Variants in SLC6A16 observed in about 807,000 individuals in gnomAD.
The protein encoded by SLC6A16 is solute carrier family 6 member 16, also known as orphan sodium- and chloride-dependent neurotransmitter transporter NTT5.
In SLC6A16, 54 loss-of-function variants were observed where a neutral mutation model predicts 65.4. That is an observed-to-expected ratio of 0.83 (90% CI 0.66 to 1.04). SLC6A16 has a LOEUF of 1.04. Among genes scored for constraint, SLC6A16 ranks in the 50% least tolerant of loss-of-function variants. The pLI is 0.00. For missense variants in SLC6A16, 816 were observed against 914.0 expected, an observed-to-expected ratio of 0.89 and a Z score of 1.38; for synonymous variants, 330 against 346.5, an observed-to-expected ratio of 0.95 and a Z score of 0.53.
At chr19:49,314,889 C>G (rs2146150301) in intron 1 of SLC6A16, among the ~76,000 whole-genome samples, 1 of 152,250 alleles carries the variant, frequency 6.6e-6, no homozygotes, top group East Asian at 1.9e-4. Flanking sequence ...TGTTGTAAGT[C>G]TGAAATTATG....
intron 1 of SLC6A16, among the ~76,000 whole-genome samples, chr19:49,312,347 G>A (rs114231632): frequency 1.6e-3 from 243 of 152,254 alleles, no homozygotes; most frequent in African/African-American, 5.6e-3. Flanking sequence ...AGCCTCACCA[G>A]AGATGCCTTC....
chr19:49,293,787 G>A, intron 9 of SLC6A16, 40 bp downstream of exon 9: 1 of 1,566,308 alleles, frequency 6.4e-7, no homozygotes, highest in Non-Finnish European at 8.8e-7. Context: ...GGTGTCAGGG[G>A]TCAGGGTCAT....
At chr19:49,300,778 G>A (rs1388709426) in intron 7 of SLC6A16, among the ~76,000 whole-genome samples, 1 of 152,142 alleles carries the variant, frequency 6.6e-6, no homozygotes, top group East Asian at 1.9e-4. Flanking sequence ...TGGGCCGGGC[G>A]CGGTGGCTCA....
upstream of SLC6A16, among the ~76,000 whole-genome samples, chr19:49,326,635 GA>G (rs1344581465): frequency 6.6e-6 from 1 of 152,144 alleles, no homozygotes; most frequent in African/African-American, 2.4e-5. Context: ...GAACAAAACA[GA>G]CCCCATTCCT....
chr19:49,307,226 T>C (rs532753739), intron 7 of SLC6A16, among the ~76,000 whole-genome samples: 1 of 150,802 alleles, frequency 6.6e-6, no homozygotes, highest in African/African-American at 2.4e-5. Flanking sequence ...TAATAAAAGG[T>C]TTTTTTGAAA....
At chr19:49,340,219 G>A in the SLC6A16 span, 1 of 1,591,204 alleles carries the variant, frequency 6.3e-7, no homozygotes. Flanking sequence ...GCACCCCTTC[G>A]ACTTCTCTGA....
the SLC6A16 span, chr19:49,337,925 C>G: frequency 1.2e-6 from 2 of 1,614,060 alleles, no homozygotes. Context: ...GGCCTCTCAG[C>G]TGGAGCGAAG....
intron 7 of SLC6A16, among the ~76,000 whole-genome samples, chr19:49,297,241 C>T (rs1325141564): frequency 2.6e-5 from 4 of 152,046 alleles, no homozygotes; most frequent in African/African-American, 9.7e-5. Flanking sequence ...CAAAAAAAAC[C>T]CTGATTTTTA....
chr19:49,290,108 G>C lies in SLC6A16; in HGVS notation c.*15C>G. ...TGTTCTAAGGGATATGTTATGTGAA[G>C]CCAAATTAATGAAGTTAGGAAGTCA... On this transcript the variant is annotated 3_prime_UTR_variant, in exon 12 of 12. Coordinates refer to ENST00000335875, the MANE Select transcript of SLC6A16 (RefSeq NM_014037.3). 6.2e-7 allele frequency: 1 copy of C among 1,611,188 alleles called. No individual in the cohort carries two copies. Among genetic ancestry groups the C allele is most frequent in the Non-Finnish European group, 8.5e-7 (1 of 1,178,556 alleles).
At chr19:49,312,760 T>C (rs1277647762) in intron 1 of SLC6A16, among the ~76,000 whole-genome samples, 2 of 152,182 alleles carry the variant, frequency 1.3e-5, no homozygotes, top group African/African-American at 2.4e-5. Flanking sequence ...GGATAACTGC[T>C]TGTGAGACAC....
At chr19:49,325,878 T>C (rs924750418), upstream of SLC6A16, among the ~76,000 whole-genome samples, 1 of 152,160 alleles carries the variant, frequency 6.6e-6, no homozygotes, top group African/African-American at 2.4e-5. Flanking sequence ...AAAAGAAATT[T>C]TGGCGCTGGG....
At chr19:49,315,502 A>G (rs1406840684) in intron 1 of SLC6A16, among the ~76,000 whole-genome samples, 2 of 152,214 alleles carry the variant, frequency 1.3e-5, no homozygotes, top group African/African-American at 4.8e-5. Context: ...ACAAAAATCC[A>G]GCCTTTGGGG....
At chr19:49,300,901 A>C (rs1970277834) in intron 7 of SLC6A16, among the ~76,000 whole-genome samples, 1 of 151,914 alleles carries the variant, frequency 6.6e-6, no homozygotes, top group African/African-American at 2.4e-5. Flanking sequence ...AAAATACAAA[A>C]ATTAGCTGGG....
intron 7 of SLC6A16, among the ~76,000 whole-genome samples, chr19:49,306,297 C>CA (rs536974639): frequency 0.02 from 2,511 of 125,206 alleles, 60 homozygotes; most frequent in African/African-American, 0.061. Flanking sequence ...GAGTCTGTCT[C>CA]AAAAAAAAAA....
chr19:49,340,204 C>A, the SLC6A16 span: 1 of 1,553,058 alleles, frequency 6.4e-7, no homozygotes, highest in Non-Finnish European at 8.9e-7. Context: ...ACCCCCGTCT[C>A]GCCAGCACCC....
chr19:49,307,038 A>G (rs944099305), intron 7 of SLC6A16, among the ~76,000 whole-genome samples: 6 of 41,518 alleles, frequency 1.4e-4, no homozygotes, highest in African/African-American at 6.5e-4. Context: ...TACACAGTGC[A>G]TTGTTTTATA....
At chr19:49,339,867 C>A in the SLC6A16 span, 10 of 1,339,190 alleles carry the variant, frequency 7.5e-6, no homozygotes, top group Non-Finnish European at 8.7e-6. The surrounding 1 kb of genome is among the most constrained non-coding windows in gnomAD (Gnocchi z 4.5). Context: ...GCAAGCTGCC[C>A]ATGGCCCTGG....
chr19:49,323,123 C>T (rs1891995104), intron 1 of SLC6A16, among the ~76,000 whole-genome samples: 1 of 152,020 alleles, frequency 6.6e-6, no homozygotes, highest in African/African-American at 2.4e-5. Flanking sequence ...GAGTAAAGGA[C>T]AGTCTTTTCA....
At chr19:49,333,633 C>T in the SLC6A16 span, among the ~76,000 whole-genome samples, 1 of 152,136 alleles carries the variant, frequency 6.6e-6, no homozygotes, top group East Asian at 1.9e-4. Flanking sequence ...AGCCTAAAGT[C>T]AGGGTCCAGG....
Sources: allele counts gnomAD v4.1 joint callset (sites outside exome capture counted in the v4.1 genomes callset), GRCh38; gene constraint gnomAD v4.1.1; non-coding constraint Gnocchi (gnomAD v3.1); transcripts MANE v1.5; gene names NCBI Gene and HGNC (gene_info 2026-07-23, HGNC 2026-07-21).